The following PRH1 variants were observed in gnomAD, a reference collection of about 807,000 sequenced individuals.
PRH1 encodes the protein proline rich protein HaeIII subfamily 1, also known as salivary acidic proline-rich phosphoprotein 1/2.
PRH1 carries 7 observed loss-of-function variants against 7.9 expected under a neutral mutation model. The observed-to-expected ratio is 0.89, with a 90% CI of 0.50 to 1.67. The LOEUF (loss-of-function observed/expected upper bound fraction) is 1.67. PRH1 is among the 40% of genes most tolerant of loss of function. PRH1 has a pLI of 0.00. For synonymous variants in PRH1, 45 were observed against 80.8 expected, an observed-to-expected ratio of 0.56 and a Z score of 2.38; for missense variants, 109 against 223.6, an observed-to-expected ratio of 0.49 and a Z score of 3.27.
chr12:10,997,469 G>C (rs899771607), intron 1 of PRH1: 1 of 1,613,700 alleles, frequency 6.2e-7, no homozygotes, highest in Admixed American at 1.7e-5. Context: ...AAAGAACAAA[G>C]ACCCCAACAC....
intron 2 of PRH1, among the ~76,000 whole-genome samples, chr12:10,949,554 C>A (rs1163733114): frequency 6.6e-6 from 1 of 152,140 alleles, no homozygotes; most frequent in Non-Finnish European, 1.5e-5. Context: ...TACCATAATG[C>A]ACTATGCTTC....
chr12:11,051,870 T>C (rs1337834735), upstream of PRH1, among the ~76,000 whole-genome samples: 1 of 152,218 alleles, frequency 6.6e-6, no homozygotes, highest in Non-Finnish European at 1.5e-5. Context: ...TTTATTGTAA[T>C]TATTTATTCA....
intron 2 of PRH1, among the ~76,000 whole-genome samples, chr12:10,934,507 T>C (rs1300223601): frequency 6.6e-6 from 1 of 152,154 alleles, no homozygotes; most frequent in African/African-American, 2.4e-5. Context: ...GCATTTAGCA[T>C]GGCTGCAAAG....
chr12:11,016,379 C>T (rs571684629), intron 1 of PRH1, among the ~76,000 whole-genome samples: 65 of 146,444 alleles, frequency 4.4e-4, no homozygotes, highest in African/African-American at 1.5e-3. Context: ...CTGGACACTG[C>T]ATGCGGCCAG....
At chr12:11,044,154 C>T (rs557992657) in intron 1 of PRH1, among the ~76,000 whole-genome samples, 16 of 152,238 alleles carry the variant, frequency 1.1e-4, no homozygotes, top group Admixed American at 2.6e-4. Context: ...CTACAGTGAA[C>T]TCATTTTTGA....
At chr12:11,113,182 T>C (rs1335375940) in intron 1 of PRH1, among the ~76,000 whole-genome samples, 6 of 150,420 alleles carry the variant, frequency 4.0e-5, no homozygotes, top group Admixed American at 6.6e-5. Flanking sequence ...TTTCATACCA[T>C]TGACTTTCTT....
chr12:11,010,720 A>G (rs572370956), intron 1 of PRH1, among the ~76,000 whole-genome samples: 1 of 152,078 alleles, frequency 6.6e-6, no homozygotes, highest in South Asian at 2.1e-4. Flanking sequence ...TGATATTTAC[A>G]TACACTATTA....
Position 10,967,040 on chromosome 12 carries a change from C to T in PRH1, c.-59+6615G>A, listed in dbSNP as rs189447875. On this transcript the variant is annotated intron_variant, in intron 2 of 3. Transcript: ENST00000539853. The stretch of plus-strand genomic sequence containing the variant: ...TGAGGCAGGAGAATGGTGTGAACCC[C>T]GGAGGCGGAGCTTGCAGTGAGCGGA... Among the ~76,000 whole-genome samples, 210 of 150,502 alleles carry T rather than the reference C, an allele frequency of 1.4e-3. 2 individuals carry two copies. The East Asian group carries it at 0.03, about 21-fold the overall frequency.
chr12:11,022,403 C>A (rs935058031), intron 1 of PRH1: 5 of 1,613,676 alleles, frequency 3.1e-6, no homozygotes, highest in Non-Finnish European at 4.2e-6. Flanking sequence ...CAGAGTAAAC[C>A]AATTCTGGAG....
chr12:10,937,379 T>C (rs1950306215), intron 2 of PRH1: 1 of 152,090 alleles, frequency 6.6e-6, no homozygotes, highest in Non-Finnish European at 1.5e-5. Context: ...AGGGAAAATA[T>C]GATCATCTTA....
intron 1 of PRH1, among the ~76,000 whole-genome samples, chr12:11,105,142 C>T (rs1945372732): frequency 6.6e-6 from 1 of 151,678 alleles, no homozygotes; most frequent in African/African-American, 2.4e-5. Flanking sequence ...AATTAGTTAA[C>T]AGCATACAGT....
intron 1 of PRH1, among the ~76,000 whole-genome samples, chr12:11,068,724 TCTA>T (rs1171020893): frequency 1.3e-5 from 2 of 152,216 alleles, no homozygotes; most frequent in African/African-American, 2.4e-5. Flanking sequence ...TGTATATTTC[TCTA>T]CTTAGATCAT....
intron 1 of PRH1, among the ~76,000 whole-genome samples, chr12:11,091,115 C>CACACAGATATATATATATAT (rs751016037): frequency 8.0e-5 from 2 of 25,106 alleles, no homozygotes; most frequent in Admixed American, 1.4e-3. Context: ...CACACACACA[C>CACACAGATATATATATATAT]ATATATATAT....
In PRH1 at chr12:11,027,615, C is replaced by T. The variant is rs960244767; in HGVS notation, c.-126+19405G>A. Among the ~76,000 whole-genome samples the T allele has an allele frequency of 3.1e-5, 4 of 130,524 alleles. No individual in the cohort carries two copies. The East Asian group carries it at 7.8e-4, about 25-fold the overall frequency. The allele number at this position is 130,524 out of a possible 152,430, so 85.6% of individuals were successfully genotyped here. ...GCTCTGACTCATTAATGAAGTTTCC[C>T]AGGCTGCTGGTCTCAAGTGGAATCC... is the stretch of plus-strand genomic sequence containing the variant. On this transcript the variant is annotated intron_variant, in intron 1 of 3. Transcript: ENST00000539853.
intron 1 of PRH1, among the ~76,000 whole-genome samples, chr12:11,058,225 G>T (rs1043262573): frequency 6.6e-6 from 1 of 152,156 alleles, no homozygotes. Context: ...GACAGAATGA[G>T]ACCCTGTCTC....
At chr12:11,000,169 T>C (rs1227610112) in intron 1 of PRH1, among the ~76,000 whole-genome samples, 1 of 152,132 alleles carries the variant, frequency 6.6e-6, no homozygotes, top group East Asian at 1.9e-4. Flanking sequence ...ACCTCCAGTC[T>C]CTTTATCGCT....
chr12:11,156,108 T>A (rs1261719397), intron 1 of PRH1, among the ~76,000 whole-genome samples: 1 of 152,196 alleles, frequency 6.6e-6, no homozygotes, highest in Non-Finnish European at 1.5e-5. Context: ...TTTCAGTAAC[T>A]TTTTTCTATC....
At chr12:11,032,086 T>C (rs181357034) in intron 1 of PRH1, among the ~76,000 whole-genome samples, 78 of 152,356 alleles carry the variant, frequency 5.1e-4, no homozygotes, top group Middle Eastern at 3.4e-3. Context: ...ATTCACTGTC[T>C]GTTCTTGTTA....
At chr12:10,997,728 C>A in intron 1 of PRH1, 1 of 1,613,902 alleles carries the variant, frequency 6.2e-7, no homozygotes, top group South Asian at 1.1e-5. Context: ...ACTGCCAGAG[C>A]AGCAATAATT....
Sources: gnomAD v4.1 joint callset for allele counts (sites outside exome capture counted in the v4.1 genomes callset) on GRCh38, gnomAD v4.1.1 for gene constraint, MANE v1.5 for transcripts, NCBI Gene and HGNC (gene_info 2026-07-23, HGNC 2026-07-21) for gene names.